Variants in DSCAM observed in about 807,000 individuals in gnomAD.
DSCAM encodes the protein DS cell adhesion molecule.
A neutral mutation model predicts 217.7 loss-of-function variants in DSCAM; 47 were observed. The ratio of observed to expected loss-of-function variants is 0.22; its 90% CI spans 0.17 to 0.28. DSCAM has a LOEUF of 0.28. Among genes scored for constraint, DSCAM ranks in the 10% least tolerant of loss-of-function variants. DSCAM has a pLI of 1.00. For synonymous variants in DSCAM, 1,056 were observed against 1,015.3 expected (o/e 1.04, Z -0.76); for missense variants, 2,080 against 2,618.3 (o/e 0.79, Z 4.49).
chr21:40,343,343 G>A (rs928887423), intron 6 of DSCAM, among the ~76,000 whole-genome samples: 2 of 152,064 alleles, frequency 1.3e-5, no homozygotes, highest in Admixed American at 1.3e-4. Flanking sequence ...TGGTGGATGT[G>A]GGCATCCTTG....
chr21:40,546,159 G>A (rs928498577), intron 3 of DSCAM, among the ~76,000 whole-genome samples: 2 of 152,230 alleles, frequency 1.3e-5, no homozygotes, highest in African/African-American at 2.4e-5. Context: ...TTTAAAGAGG[G>A]TTAAGGTGTA....
intron 3 of DSCAM, among the ~76,000 whole-genome samples, chr21:40,401,397 AT>A (rs112983603): frequency 3.3e-5 from 5 of 151,620 alleles, no homozygotes; most frequent in African/African-American, 4.8e-5. Context: ...ATAAAATTGG[AT>A]TTTTTTTTCT....
chr21:40,477,459 T>A (rs538645802), intron 3 of DSCAM, among the ~76,000 whole-genome samples: 1 of 152,216 alleles, frequency 6.6e-6, no homozygotes, highest in Non-Finnish European at 1.5e-5. Context: ...ATGCTCAGTA[T>A]TGAAGTTCCA....
intron 11 of DSCAM, among the ~76,000 whole-genome samples, chr21:40,236,444 T>C (rs1285842066): frequency 6.6e-6 from 1 of 152,118 alleles, no homozygotes; most frequent in East Asian, 1.9e-4. Context: ...CCAAAATCTG[T>C]ACAGAACTTC....
chr21:40,471,037 C>T (rs1323676841), intron 3 of DSCAM, among the ~76,000 whole-genome samples: 7 of 152,190 alleles, frequency 4.6e-5, no homozygotes, highest in African/African-American at 1.7e-4. Context: ...TTTTCTCTAG[C>T]CATTTCTTTA....
intron 11 of DSCAM, among the ~76,000 whole-genome samples, chr21:40,238,075 T>G (rs904995793): frequency 1.3e-5 from 2 of 152,128 alleles, no homozygotes; most frequent in Non-Finnish European, 2.9e-5. Context: ...TTGAATCAGA[T>G]ATGGGGATAT....
chr21:40,080,240 C>A lies in DSCAM; in HGVS notation c.4332G>T (p.Gly1444=). 1 of 1,613,498 alleles carries A rather than the reference C, an allele frequency of 6.2e-7. No individual in the cohort carries two copies. Residue 1444 remains glycine, a synonymous_variant, in exon 25 of 33, where the codon GGG becomes GGT. Transcript: ENST00000400454. Reference sequence around the variant, plus strand: ...CTGTCAGTGTGAACTTATACCAAGTCCCACATTTGAGATTTTCCAAGCGAT... The same window carrying A: ...CTGTCAGTGTGAACTTATACCAAGTACCACATTTGAGATTTTCCAAGCGAT... ...RSYRLENLKC[G]TWYKFTLTAQ...
intron 16 of DSCAM, among the ~76,000 whole-genome samples, chr21:40,164,094 CAG>C (rs2090568519): frequency 6.6e-6 from 1 of 152,100 alleles, no homozygotes; most frequent in Non-Finnish European, 1.5e-5. Flanking sequence ...AAGGAGCTCC[CAG>C]AACAGTGGAG....
At position 40,635,094 on chromosome 21, in the gene DSCAM, G is replaced by T. The variant is rs138822896; in HGVS notation, c.508+57716C>A. Among the ~76,000 whole-genome samples the T allele has an allele frequency of 3.6e-3, 549 of 152,202 alleles. 2 individuals carry two copies. Among genetic ancestry groups the T allele is most frequent in the Non-Finnish European group, 6.0e-3 (411 of 68,014 alleles). ...CTTCTGTGTTAAATGAAAGAATGAC[G>T]GCATCTGGGAACAGCCTGTAGAGAG... On this transcript the variant is annotated intron_variant, in intron 3 of 32. Coordinates refer to ENST00000400454, the MANE Select transcript of DSCAM (RefSeq NM_001389.5).
At chr21:40,804,012 A>C in intron 1 of DSCAM, among the ~76,000 whole-genome samples, 1 of 152,316 alleles carries the variant, frequency 6.6e-6, no homozygotes, top group East Asian at 1.9e-4. Flanking sequence ...TGCTTAATAA[A>C]GAAAGGGGGG....
intron 3 of DSCAM, among the ~76,000 whole-genome samples, chr21:40,616,356 A>G (rs546594034): frequency 6.6e-6 from 1 of 152,228 alleles, no homozygotes; most frequent in Admixed American, 6.5e-5. Context: ...GTCCTGACAC[A>G]TGCTGCCCAA....
At chr21:40,066,172 C>A (rs1156879236) in intron 27 of DSCAM, among the ~76,000 whole-genome samples, 1 of 152,234 alleles carries the variant, frequency 6.6e-6, no homozygotes, top group Non-Finnish European at 1.5e-5. Context: ...TCATACTGTG[C>A]CCACCTGTTT....
intron 3 of DSCAM, among the ~76,000 whole-genome samples, chr21:40,589,414 A>G (rs2076968566): frequency 6.6e-6 from 1 of 152,278 alleles, no homozygotes; most frequent in Middle Eastern, 3.4e-3. Context: ...CGTCCCTACT[A>G]AAAATACAAA....
At chr21:40,099,113 C>G (rs909267798) in intron 20 of DSCAM, among the ~76,000 whole-genome samples, 1 of 152,174 alleles carries the variant, frequency 6.6e-6, no homozygotes, top group Admixed American at 6.5e-5. Flanking sequence ...ATCAGGAAAG[C>G]ATTAAGATAT....
At position 40,083,937 on chromosome 21, in the gene DSCAM, G is replaced by C. The variant is rs2089497412; in HGVS notation, c.4202C>G (p.Pro1401Arg). The C allele has an allele frequency of 6.2e-7, 1 of 1,613,760 alleles. No homozygotes were observed. The highest frequency in any genetic ancestry group is 1.3e-5 in the African/African-American group (1 of 75,028). ...TSSSITLSWL[P>R]GDNGGSSIRG... Reference sequence around the variant, plus strand: ...GATAGAGCTGCCCCCGTTGTCTCCAGGGAGCCAAGAAAGGGTGATGGAGGA... The same window carrying C: ...GATAGAGCTGCCCCCGTTGTCTCCACGGAGCCAAGAAAGGGTGATGGAGGA... Residue 1401 changes from proline (P) to arginine (R), a missense_variant, in exon 24 of 33, where the codon CCT becomes CGT. Around this residue, in one of 5 missense-constraint regions of DSCAM, gnomAD observed 1,144 missense variants for 1,421.1 expected, o/e 0.81. Transcript: ENST00000400454.
intron 3 of DSCAM, among the ~76,000 whole-genome samples, chr21:40,559,157 T>C (rs754500521): frequency 3.3e-4 from 43 of 130,202 alleles, no homozygotes; most frequent in Non-Finnish European, 6.6e-4. Context: ...TTTGGAAGAA[T>C]GAATTCTCCA....
intron 32 of DSCAM, among the ~76,000 whole-genome samples, chr21:40,035,391 A>C (rs200784336): frequency 9.5e-6 from 1 of 105,556 alleles, no homozygotes; most frequent in East Asian, 2.2e-4. Flanking sequence ...CAGACTTCAA[A>C]CCAACAAAGA....
intron 3 of DSCAM, among the ~76,000 whole-genome samples, chr21:40,510,943 T>C (rs1343731504): frequency 6.6e-6 from 1 of 152,238 alleles, no homozygotes; most frequent in Admixed American, 6.5e-5. Context: ...ATTGTGCTTA[T>C]TTACGTATTA....
At position 40,461,504 on chromosome 21, in the gene DSCAM, G is replaced by A. The variant is rs2075805622; in HGVS notation, c.509-92259C>T. 2.0e-5 allele frequency among the ~76,000 whole-genome samples: 3 copies of A among 152,100 alleles called. No individual in the cohort carries two copies. In the South Asian group the frequency reaches 6.2e-4, roughly 32 times the overall value. On this transcript the variant is annotated intron_variant, in intron 3 of 32. Transcript: ENST00000400454. ...TGCTCCAGGTAACCCAGCTCTAAGA[G>A]GCAGAGCTGGTTTCACACTCAAGCA...
Sources: gnomAD v4.1 joint callset for allele counts (sites outside exome capture counted in the v4.1 genomes callset) on GRCh38, gnomAD v4.1.1 for gene constraint, gnomAD v4.1.1 regional missense constraint, MANE v1.5 for transcripts, NCBI Gene and HGNC (gene_info 2026-07-23, HGNC 2026-07-21) for gene names.